Variants in RBFOX1 observed in about 807,000 individuals in gnomAD.
RBFOX1 encodes RNA binding fox-1 homolog 1, also known as RNA binding protein fox-1 homolog 1.
RBFOX1 carries 8 observed loss-of-function variants against 57.7 expected under a neutral mutation model. The observed-to-expected ratio is 0.14, with a 90% CI of 0.08 to 0.25. The LOEUF (loss-of-function observed/expected upper bound fraction) is 0.25, where lower values mean the gene tolerates loss of function less well. Ranked by LOEUF, RBFOX1 falls within the 10% of genes least tolerant of loss-of-function variation. The probability of loss-of-function intolerance (pLI) is 1.00; values close to 1 mark genes in which losing one functional copy is unlikely to be tolerated. For missense variants in RBFOX1, 611 were observed against 548.5 expected, an observed-to-expected ratio of 1.11 and a Z score of -1.14; for synonymous variants, 326 against 222.4, an observed-to-expected ratio of 1.47 and a Z score of -4.15.
chr16:5,311,810 C>G (rs1339843540), intron 1 of RBFOX1, among the ~76,000 whole-genome samples: 2 of 152,168 alleles, frequency 1.3e-5, no homozygotes, highest in African/African-American at 4.8e-5. Context: ...GCGTTGGCCT[C>G]TTGTTGCTGT....
chr16:5,982,407 T>A (rs768565810), intron 4 of RBFOX1, among the ~76,000 whole-genome samples: 9 of 152,158 alleles, frequency 5.9e-5, no homozygotes, highest in Non-Finnish European at 1.2e-4. Flanking sequence ...CCCAAGTAGC[T>A]GGGATTACAG....
chr16:5,759,006 G>A (rs1201605744), intron 3 of RBFOX1, among the ~76,000 whole-genome samples: 2 of 152,126 alleles, frequency 1.3e-5, no homozygotes, highest in Non-Finnish European at 2.9e-5. Flanking sequence ...ACCATGGTGA[G>A]TTTCACGACT....
intron 4 of RBFOX1, among the ~76,000 whole-genome samples, chr16:5,993,984 G>C (rs191312088): frequency 3.3e-5 from 5 of 152,254 alleles, no homozygotes; most frequent in Admixed American, 1.3e-4. Flanking sequence ...GCACGTATGG[G>C]ACGGTTCCTC....
chr16:7,496,060 G>A (rs1292149840), intron 4 of RBFOX1, among the ~76,000 whole-genome samples: 1 of 152,144 alleles, frequency 6.6e-6, no homozygotes, highest in East Asian at 1.9e-4. Flanking sequence ...AAGATACTAG[G>A]CTGGGTCCAC....
intron 3 of RBFOX1, among the ~76,000 whole-genome samples, chr16:6,799,573 C>G (rs185334051): frequency 4.6e-5 from 7 of 152,010 alleles, no homozygotes; most frequent in Admixed American, 1.3e-4. Context: ...GAGATAAACA[C>G]CTGAGGGAGC....
At chr16:5,338,223 C>G (rs1437681020) in intron 1 of RBFOX1, among the ~76,000 whole-genome samples, 1 of 152,026 alleles carries the variant, frequency 6.6e-6, no homozygotes, top group East Asian at 1.9e-4. Context: ...GCCTTGGGAG[C>G]CACGTTTTTA....
chr16:7,693,416 C>T (rs867423189), intron 14 of RBFOX1: 468 of 783,136 alleles, frequency 6.0e-4, no homozygotes, highest in South Asian at 2.4e-3. Flanking sequence ...TCTCAGTATC[C>T]TTTTTTTTTT....
chr16:7,700,878 G>A (rs990709075), intron 14 of RBFOX1, among the ~76,000 whole-genome samples: 8 of 152,150 alleles, frequency 5.3e-5, no homozygotes, highest in Admixed American at 5.2e-4. Context: ...GAGAAAAGAT[G>A]ATGTGATCTG....
rs141640861 is a variant in RBFOX1, at chr16:7,395,836, C to T, written c.28-122311C>T. Among the ~76,000 whole-genome samples, 49 of 152,210 alleles carry T rather than the reference C, an allele frequency of 3.2e-4. No homozygotes were observed. In the East Asian group the frequency reaches 8.1e-3, roughly 25 times the overall value. ...TTGTTTCCTGCGGGTGAAATTTTCC[C>T]GTCTCTTTGCCACATCCTTCAGATT... On this transcript the variant is annotated intron_variant, in intron 4 of 15. Coordinates refer to ENST00000550418, the MANE Select transcript of RBFOX1 (RefSeq NM_018723.4).
chr16:5,928,570 G>C (rs891441828), intron 4 of RBFOX1, among the ~76,000 whole-genome samples: 2 of 151,924 alleles, frequency 1.3e-5, no homozygotes, highest in Non-Finnish European at 1.5e-5. Context: ...AGGTAACACT[G>C]GTGAAAGTCA....
At chr16:7,462,252 A>C (rs2059713742) in intron 4 of RBFOX1, among the ~76,000 whole-genome samples, 3 of 152,202 alleles carry the variant, frequency 2.0e-5, no homozygotes, top group Admixed American at 2.0e-4. Context: ...AAATCACCAC[A>C]AATTTAACAG....
At chr16:6,878,599 C>G (rs1215311664) in intron 3 of RBFOX1, among the ~76,000 whole-genome samples, 1 of 152,072 alleles carries the variant, frequency 6.6e-6, no homozygotes, top group African/African-American at 2.4e-5. Flanking sequence ...GCAGTGTCCT[C>G]ATGTGAACAT....
At position 7,518,207 on chromosome 16, in the gene RBFOX1, T is replaced by G. The variant is rs753346007; in HGVS notation, c.88T>G (p.Phe30Val). ...TMAQPYASAQ[F>V]APPQNGIPAE... ...GGCTCAGCCTTACGCTTCGGCCCAG[T>G]TTGCTCCCCCGCAGAACGGTATCCC... The change falls in exon 5 of 16, where the codon TTT becomes GTT. Residue 30 changes from phenylalanine to valine, a missense_variant. Physicochemically the swap from Phe to Val is conservative, Grantham distance 50. This residue lies in a region of RBFOX1 where 245 missense variants were observed against 159.1 expected (regional missense o/e 1.54). Coordinates refer to ENST00000550418, the MANE Select transcript of RBFOX1 (RefSeq NM_018723.4). The G allele has an allele frequency of 1.9e-6, 3 of 1,614,014 alleles. No individual in the cohort carries two copies. The highest frequency in any genetic ancestry group is 2.5e-6 in the Non-Finnish European group (3 of 1,179,964).
At chr16:6,735,561 T>G (rs1233051639) in intron 3 of RBFOX1, among the ~76,000 whole-genome samples, 1 of 152,206 alleles carries the variant, frequency 6.6e-6, no homozygotes, top group African/African-American at 2.4e-5. Flanking sequence ...CTCGTCCCCA[T>G]GGATGTGACT....
chr16:5,635,348 C>T (rs1450147919), intron 3 of RBFOX1, among the ~76,000 whole-genome samples: 2 of 152,050 alleles, frequency 1.3e-5, no homozygotes, highest in East Asian at 1.9e-4. Context: ...CTAGCCTGTC[C>T]CTCTCTCTGA....
chr16:6,219,231 G>A (rs1280218656), intron 1 of RBFOX1, among the ~76,000 whole-genome samples: 1 of 152,228 alleles, frequency 6.6e-6, no homozygotes, highest in African/African-American at 2.4e-5. Flanking sequence ...CAGTTTGGGA[G>A]GCTGAGGTGG....
intron 14 of RBFOX1, among the ~76,000 whole-genome samples, chr16:7,688,097 C>T (rs886814081): frequency 3.9e-5 from 6 of 152,014 alleles, no homozygotes; most frequent in Admixed American, 6.6e-5. Context: ...TATCCCAATA[C>T]GTACAGGTAG....
chr16:6,528,070 A>G (rs779824974), intron 2 of RBFOX1, among the ~76,000 whole-genome samples: 44 of 152,156 alleles, frequency 2.9e-4, no homozygotes, highest in African/African-American at 5.1e-4. Flanking sequence ...TCAAAGATCA[A>G]CAAAATCTTG....
intron 3 of RBFOX1, among the ~76,000 whole-genome samples, chr16:6,930,766 G>A (rs1380619017): frequency 6.6e-6 from 1 of 152,016 alleles, no homozygotes; most frequent in African/African-American, 2.4e-5. Flanking sequence ...TTGGCCACTT[G>A]ATCCTCCCTC....
Sources: gnomAD v4.1 joint callset for allele counts (sites outside exome capture counted in the v4.1 genomes callset) on GRCh38, gnomAD v4.1.1 for gene constraint, gnomAD v4.1.1 regional missense constraint, MANE v1.5 for transcripts, NCBI Gene and HGNC (gene_info 2026-07-23, HGNC 2026-07-21) for gene names.